Variants in COL22A1 observed in about 807,000 individuals in gnomAD.
COL22A1 encodes collagen type XXII alpha 1 chain, also known as collagen alpha-1(XXII) chain.
COL22A1 carries 221 observed loss-of-function variants against 248.9 expected under a neutral mutation model. That is an observed-to-expected ratio of 0.89 (90% CI 0.80 to 0.99). The LOEUF is 0.99. COL22A1 is among the 50% of genes least tolerant of loss of function. COL22A1 has a pLI of 0.00. For synonymous variants in COL22A1, 891 were observed against 793.4 expected (o/e 1.12, Z -2.07); for missense variants, 2,240 against 2,179.0 (o/e 1.03, Z -0.56).
intron 61 of COL22A1, among the ~76,000 whole-genome samples, chr8:138,598,396 G>A (rs1007010241): frequency 2.0e-5 from 3 of 152,194 alleles, no homozygotes; most frequent in African/African-American, 7.2e-5. Context: ...GGGCAGAAGA[G>A]TTCTACAGCC....
In COL22A1 at chr8:138,606,842, T is replaced by C. The variant is rs1270415321; in HGVS notation, c.4033-390A>G. On this transcript the variant is annotated intron_variant, in intron 57 of 64. Coordinates refer to ENST00000303045, the MANE Select transcript of COL22A1 (RefSeq NM_152888.3). ...AGAATCACATTTTGGGAAAGGACTT[T>C]GGGAATTTTTCAACTTCAACTTTTC... 2.6e-5 allele frequency among the ~76,000 whole-genome samples: 4 copies of C among 152,116 alleles called. No homozygotes were observed. In the East Asian group the frequency reaches 7.7e-4, roughly 29 times the overall value.
chr8:138,886,409 G>C (rs972210477), intron 1 of COL22A1, among the ~76,000 whole-genome samples: 1 of 152,010 alleles, frequency 6.6e-6, no homozygotes, highest in African/African-American at 2.4e-5. Flanking sequence ...GGAAGGAAGA[G>C]AGAAAGGAAG....
intron 31 of COL22A1, among the ~76,000 whole-genome samples, chr8:138,701,334 T>C (rs1487947187): frequency 2.0e-5 from 3 of 152,148 alleles, no homozygotes; most frequent in African/African-American, 4.8e-5. Flanking sequence ...ATCTGATCCA[T>C]GCAGATGCCT....
At chr8:138,856,378 G>T (rs896347574) in intron 3 of COL22A1, among the ~76,000 whole-genome samples, 1 of 152,152 alleles carries the variant, frequency 6.6e-6, no homozygotes, top group Non-Finnish European at 1.5e-5. Context: ...GCTGGCCTTG[G>T]AGGAACAGAG....
chr8:138,596,180 T>C (rs1817527108), intron 62 of COL22A1, among the ~76,000 whole-genome samples: 1 of 152,234 alleles, frequency 6.6e-6, no homozygotes, highest in South Asian at 2.1e-4. Context: ...CGATTACTAC[T>C]ATCCTCCTAC....
chr8:138,820,235 A>T (rs1818995387), intron 7 of COL22A1, among the ~76,000 whole-genome samples: 1 of 152,208 alleles, frequency 6.6e-6, no homozygotes, highest in Non-Finnish European at 1.5e-5. Flanking sequence ...GTATACATAG[A>T]TACATAAAAT....
chr8:138,668,365 T>A (rs954823684), intron 41 of COL22A1, among the ~76,000 whole-genome samples: 6 of 152,084 alleles, frequency 3.9e-5, no homozygotes, highest in African/African-American at 1.4e-4. Flanking sequence ...TTTAGTATAT[T>A]TGAATTTCTC....
At chr8:138,628,829 A>C (rs1483882439) in intron 50 of COL22A1, among the ~76,000 whole-genome samples, 1 of 144,300 alleles carries the variant, frequency 6.9e-6, no homozygotes, top group Non-Finnish European at 1.5e-5. Flanking sequence ...GCGGTGGCGC[A>C]ATCTCGGCTT....
rs1415183016 is a variant in COL22A1, at chr8:138,589,434, G to T, written c.4700C>A (p.Pro1567His). The change falls in exon 65 of 65, where the codon CCC (proline) becomes CAC (histidine). Residue 1567 changes from proline to histidine, a missense_variant. Transcript: ENST00000303045. Reference sequence around the variant, plus strand: ...ATCTTTAGCATAGCCAGGTTCCCCGGGTTGACCTGGCCCAAGGAGCAAAAG... The same window carrying T: ...ATCTTTAGCATAGCCAGGTTCCCCGTGTTGACCTGGCCCAAGGAGCAAAAG... ...EMGPPGIPGQ[P>H]GEPGYAKDGL... is the part of the protein sequence containing the mutation. The T allele has an allele frequency of 1.9e-6, 3 of 1,552,260 alleles. No individual in the cohort carries two copies. The highest frequency in any genetic ancestry group is 2.0e-5 in the Admixed American group (1 of 49,174).
At chr8:138,721,204 T>C (rs1176825392) in intron 26 of COL22A1, among the ~76,000 whole-genome samples, 3 of 152,244 alleles carry the variant, frequency 2.0e-5, no homozygotes, top group Non-Finnish European at 2.9e-5. Flanking sequence ...ACTTATTCTG[T>C]ATTTTGCCAT....
At chr8:138,725,222 G>C (rs1586579024) in intron 24 of COL22A1, among the ~76,000 whole-genome samples, 165 bp downstream of exon 24, 1 of 152,240 alleles carries the variant, frequency 6.6e-6, no homozygotes, top group South Asian at 2.1e-4. Flanking sequence ...AGGTCGGAGA[G>C]TCCAGAAGCT....
intron 1 of COL22A1, among the ~76,000 whole-genome samples, chr8:138,886,799 G>T (rs952983468): frequency 2.6e-4 from 39 of 152,192 alleles, no homozygotes; most frequent in Middle Eastern, 3.2e-3. Context: ...AGGGATTAAA[G>T]TCTCAGCTGT....
chr8:138,768,525 G>A (rs73361020), intron 16 of COL22A1, among the ~76,000 whole-genome samples: 3,582 of 152,226 alleles, frequency 0.024, 128 homozygotes, highest in African/African-American at 0.077. Context: ...CAATCACAAC[G>A]GACTCGTTTA....
chr8:138,847,951 T>C (rs1433099440), intron 3 of COL22A1, among the ~76,000 whole-genome samples: 2 of 152,220 alleles, frequency 1.3e-5, no homozygotes, highest in Non-Finnish European at 2.9e-5. Flanking sequence ...ATTCTCTTTC[T>C]GGATGTCTAA....
intron 12 of COL22A1, among the ~76,000 whole-genome samples, chr8:138,790,555 C>A (rs1019743630): frequency 4.6e-5 from 7 of 152,328 alleles, no homozygotes; most frequent in Middle Eastern, 3.4e-3. Flanking sequence ...GCTCTGCAGT[C>A]CAATTCTACC....
chr8:138,735,997 C>A (rs544056375), intron 23 of COL22A1, among the ~76,000 whole-genome samples: 4 of 152,200 alleles, frequency 2.6e-5, no homozygotes, highest in South Asian at 2.1e-4. Flanking sequence ...CCAGGAGGAC[C>A]AAACGGAAGA....
intron 1 of COL22A1, among the ~76,000 whole-genome samples, chr8:138,912,036 G>A (rs1257477339): frequency 2.0e-5 from 3 of 152,190 alleles, no homozygotes; most frequent in Admixed American, 1.3e-4. Flanking sequence ...CCCCAGGTGT[G>A]TGAAACAGAA....
chr8:138,892,498 C>T (rs987947421), intron 1 of COL22A1, among the ~76,000 whole-genome samples: 3 of 152,220 alleles, frequency 2.0e-5, no homozygotes, highest in Admixed American at 6.5e-5. Context: ...TCTCAGGTTG[C>T]AGCCCCAGCA....
chr8:138,747,754 C>G (rs1399293959), intron 22 of COL22A1, among the ~76,000 whole-genome samples: 1 of 152,042 alleles, frequency 6.6e-6, no homozygotes, highest in East Asian at 1.9e-4. Context: ...GCCTGGTACC[C>G]AGTAGATACA....
Sources: allele counts gnomAD v4.1 joint callset (sites outside exome capture counted in the v4.1 genomes callset), GRCh38; gene constraint gnomAD v4.1.1; transcripts MANE v1.5; gene names NCBI Gene and HGNC (gene_info 2026-07-23, HGNC 2026-07-21).